The following GNAQ variants were observed in gnomAD, a reference collection of about 807,000 sequenced individuals.
GNAQ encodes guanine nucleotide-binding protein G(q) subunit alpha.
Under a neutral mutation model 43.9 loss-of-function variants are expected in GNAQ, and 8 were observed. The ratio of observed to expected loss-of-function variants is 0.18; its 90% CI spans 0.11 to 0.33. GNAQ has a LOEUF of 0.33. GNAQ is among the 10% of genes least tolerant of loss of function. GNAQ has a pLI of 1.00. For missense variants in GNAQ, 158 were observed against 450.8 expected (o/e 0.35, Z 5.88); for synonymous variants, 155 against 170.7 (o/e 0.91, Z 0.71).
rs537385468 is a variant in GNAQ at position 78,000,734 on chromosome 9, A to T, written c.136+30366T>A. Among the ~76,000 whole-genome samples, 6 of 152,356 alleles carry T rather than the reference A, an allele frequency of 3.9e-5. No homozygotes were observed. In the South Asian group the frequency reaches 1.2e-3, roughly 32 times the overall value. ...AAAATAACTGTAAACGCCTGCTCAGATTCAGCCATAAACAGGATACTAGCA... is the reference window on the plus strand; with the variant it reads ...AAAATAACTGTAAACGCCTGCTCAGTTTCAGCCATAAACAGGATACTAGCA... On this transcript the variant is annotated intron_variant, in intron 1 of 6. Coordinates refer to ENST00000286548, the MANE Select transcript of GNAQ (RefSeq NM_002072.5).
At chr9:78,028,971 A>G (rs953516781) in intron 1 of GNAQ, among the ~76,000 whole-genome samples, 6 of 152,062 alleles carry the variant, frequency 3.9e-5, no homozygotes, top group African/African-American at 1.2e-4. Context: ...TGTTCCGCTA[A>G]TAAGAGGAAA....
intron 1 of GNAQ, among the ~76,000 whole-genome samples, chr9:77,973,272 A>G (rs1435191336): frequency 6.6e-6 from 1 of 152,188 alleles, no homozygotes; most frequent in Non-Finnish European, 1.5e-5. Context: ...AAGTAGGCTG[A>G]GCTACCTGGC....
chr9:77,983,216 T>C (rs1465931478), intron 1 of GNAQ, among the ~76,000 whole-genome samples: 6 of 152,222 alleles, frequency 3.9e-5, no homozygotes, highest in Non-Finnish European at 8.8e-5. Context: ...AACTCGTGCA[T>C]GGTGATAACA....
chr9:77,975,852 A>T (rs1587440947), intron 1 of GNAQ, among the ~76,000 whole-genome samples: 1 of 152,138 alleles, frequency 6.6e-6, no homozygotes, highest in South Asian at 2.1e-4. Flanking sequence ...TCGGCCTTTT[A>T]ATGGAGAGCA....
At chr9:77,907,081 A>G (rs17196333) in intron 2 of GNAQ, among the ~76,000 whole-genome samples, 89,537 of 152,046 alleles carry the variant, frequency 0.59, 27,960 homozygotes, top group South Asian at 0.72. Context: ...TAGTATTTAT[A>G]GAAACAAGCT....
At chr9:77,943,229 GGGTTTTGGTTCCT>G (rs1413095641) in intron 1 of GNAQ, among the ~76,000 whole-genome samples, 1 of 152,158 alleles carries the variant, frequency 6.6e-6, no homozygotes, top group Non-Finnish European at 1.5e-5. Flanking sequence ...CTCCCCTCAG[GGGTTTTGGTTCCT>G]GAGTCAAATT....
intron 1 of GNAQ, among the ~76,000 whole-genome samples, chr9:77,922,767 C>T (rs1204583222): frequency 6.6e-6 from 1 of 152,154 alleles, no homozygotes; most frequent in Admixed American, 6.6e-5. Context: ...TGACAGTGTA[C>T]TTACACAAAC....
chr9:77,960,382 G>A (rs1823092681), intron 1 of GNAQ, among the ~76,000 whole-genome samples: 1 of 152,178 alleles, frequency 6.6e-6, no homozygotes, highest in South Asian at 2.1e-4. Flanking sequence ...AAGCGAGGTA[G>A]GCAGAATTAG....
intron 5 of GNAQ, among the ~76,000 whole-genome samples, chr9:77,751,502 G>A (rs558721747): frequency 1.2e-3 from 183 of 152,252 alleles, no homozygotes; most frequent in African/African-American, 4.3e-3. Context: ...GTGTACTTCA[G>A]AAAGCCCAGT....
chr9:77,925,787 T>C (rs1829063172), intron 1 of GNAQ, among the ~76,000 whole-genome samples: 2 of 152,198 alleles, frequency 1.3e-5, no homozygotes, highest in African/African-American at 4.8e-5. Flanking sequence ...ACCAGAGTCA[T>C]ACATTGGTAT....
chr9:77,857,518 G>A (rs935535109), intron 2 of GNAQ, among the ~76,000 whole-genome samples: 2 of 137,952 alleles, frequency 1.4e-5, no homozygotes, highest in Admixed American at 7.2e-5. Flanking sequence ...AGAAGGAAGG[G>A]AAGAAGGAAG....
chr9:77,899,216 C>A (rs1280366956), intron 2 of GNAQ, among the ~76,000 whole-genome samples: 1 of 152,114 alleles, frequency 6.6e-6, no homozygotes, highest in Non-Finnish European at 1.5e-5. Context: ...CCTGCCTCAG[C>A]CTCCCGAGTA....
intron 1 of GNAQ, among the ~76,000 whole-genome samples, chr9:78,030,879 GTGTGTCGC>G (rs1320662131): frequency 2.4e-3 from 322 of 132,570 alleles, no homozygotes; most frequent in African/African-American, 9.7e-3. Context: ...TGCTGCGTGT[GTGTGTCGC>G]TGTGTGTGTG....
At chr9:77,886,387 A>AC (rs548121987) in intron 2 of GNAQ, among the ~76,000 whole-genome samples, 2 of 21,876 alleles carry the variant, frequency 9.1e-5, no homozygotes, top group Non-Finnish European at 2.5e-4. Context: ...CTATGCTCTT[A>AC]AAAAAAAAAA....
chr9:78,013,312 CT>C (rs202142347), intron 1 of GNAQ, among the ~76,000 whole-genome samples: 44,307 of 146,488 alleles, frequency 0.3, 6,547 homozygotes, highest in South Asian at 0.44. Context: ...TCTTACAAGA[CT>C]TTTTTTTTTT....
At chr9:77,749,205 T>G (rs1825775041) in intron 5 of GNAQ, among the ~76,000 whole-genome samples, 1 of 152,216 alleles carries the variant, frequency 6.6e-6, no homozygotes, top group Non-Finnish European at 1.5e-5. Flanking sequence ...ATGGACCCAT[T>G]CTTGCTTTGG....
intron 1 of GNAQ, among the ~76,000 whole-genome samples, chr9:77,961,951 A>G (rs1016571756): frequency 2.6e-5 from 4 of 152,266 alleles, no homozygotes; most frequent in Admixed American, 2.6e-4. Context: ...TGTAGAGGAA[A>G]ACATAAACAT....
chr9:77,777,564 T>C (rs1009243807), intron 5 of GNAQ, among the ~76,000 whole-genome samples: 2 of 152,032 alleles, frequency 1.3e-5, no homozygotes, highest in African/African-American at 2.4e-5. Context: ...CCCTACAGAA[T>C]ATAATGTATT....
intron 4 of GNAQ, 36 bp from the exon 5 acceptor site, chr9:77,794,628 A>C (rs1312093207): frequency 1.4e-6 from 2 of 1,393,692 alleles, no homozygotes; most frequent in African/African-American, 2.9e-5. Flanking sequence ...AATAACATAT[A>C]AAGTAAAACT....
Sources: allele counts gnomAD v4.1 joint callset (sites outside exome capture counted in the v4.1 genomes callset), GRCh38; gene constraint gnomAD v4.1.1; transcripts MANE v1.5; gene names NCBI Gene and HGNC (gene_info 2026-07-23, HGNC 2026-07-21).